The following PEBP4 variants were observed in gnomAD, a reference collection of about 807,000 sequenced individuals.
PEBP4 encodes the protein phosphatidylethanolamine binding protein 4.
Under a neutral mutation model 23.9 loss-of-function variants are expected in PEBP4, and 22 were observed. The observed-to-expected ratio is 0.92, with a 90% CI of 0.66 to 1.31. The LOEUF (loss-of-function observed/expected upper bound fraction) is 1.31, where lower values mean the gene tolerates loss of function less well. Among genes scored for constraint, PEBP4 ranks in the 40% most tolerant of loss-of-function variants. The pLI, the probability that PEBP4 is intolerant of heterozygous loss-of-function variation, is 0.00. For synonymous variants in PEBP4, 112 were observed against 99.3 expected (o/e 1.13, Z -0.76); for missense variants, 324 against 281.7 (o/e 1.15, Z -1.07).
At chr8:22,896,798 C>G (rs1452651965) in intron 3 of PEBP4, among the ~76,000 whole-genome samples, 1 of 151,934 alleles carries the variant, frequency 6.6e-6, no homozygotes, top group Admixed American at 6.6e-5. Flanking sequence ...CCTTAAAATC[C>G]ACAGTTAGTG....
intron 4 of PEBP4, among the ~76,000 whole-genome samples, chr8:22,786,750 C>A (rs1806036507): frequency 6.6e-6 from 1 of 152,106 alleles, no homozygotes; most frequent in Non-Finnish European, 1.5e-5. Flanking sequence ...TCATACAAAG[C>A]TCCATGCCAG....
At chr8:22,889,638 C>T (rs767598570) in intron 3 of PEBP4, among the ~76,000 whole-genome samples, 2 of 152,026 alleles carry the variant, frequency 1.3e-5, no homozygotes, top group Non-Finnish European at 2.9e-5. Context: ...AAGCAGACAA[C>T]CTCTATCAAT....
rs140305665 is a variant in PEBP4, at chr8:22,836,595, C to T, written c.259-18860G>A. ...CCACTCAAGATGGCTGGGGAAGGAACGCTCTCGCCTGGCTCACATGGCTCT... is the reference window on the plus strand; with the variant it reads ...CCACTCAAGATGGCTGGGGAAGGAATGCTCTCGCCTGGCTCACATGGCTCT... On this transcript the variant is annotated intron_variant, in intron 3 of 6. Coordinates refer to ENST00000256404, the MANE Select transcript of PEBP4 (RefSeq NM_144962.3). 4.3e-3 allele frequency among the ~76,000 whole-genome samples: 660 copies of T among 152,364 alleles called. 20 individuals carry two copies. In the East Asian group the frequency reaches 0.069, roughly 16 times the overall value.
At chr8:22,735,824 C>G (rs564160702) in intron 4 of PEBP4, among the ~76,000 whole-genome samples, 2 of 152,254 alleles carry the variant, frequency 1.3e-5, no homozygotes, top group South Asian at 2.1e-4. Context: ...ACTCTTGGAC[C>G]CCCAAACCCA....
rs370269006 is a variant in PEBP4, at chr8:22,819,602, TTTTTG to T, written c.259-1872_259-1868del. On this transcript the variant is annotated intron_variant, in intron 3 of 6. Transcript: ENST00000256404. ...AAGAAGAGTCAAGATTGTTTTTGTT[TTTTTG>T]TTTTGTTTTGTTTTGTTTTTTGAGA... 4.6e-5 allele frequency among the ~76,000 whole-genome samples: 7 copies of T among 152,042 alleles called. 1 individual carries two copies. The highest frequency in any genetic ancestry group is 2.0e-4 in the Admixed American group (3 of 15,272).
intron 3 of PEBP4, among the ~76,000 whole-genome samples, chr8:22,914,051 G>C (rs527592099): frequency 2.0e-5 from 3 of 149,588 alleles, no homozygotes; most frequent in African/African-American, 7.4e-5. Context: ...ATAGTGGCGC[G>C]ATCTAGGCTC....
intron 3 of PEBP4, chr8:22,878,225 AGAGGGAGGGAGGGAGG>A (rs1157364561): frequency 1.6e-5 from 2 of 125,996 alleles, no homozygotes; most frequent in East Asian, 2.8e-4. Flanking sequence ...AGGGAGGGGG[AGAGGGAGGGAGGGAGG>A]GAGGGAGGGG....
intron 6 of PEBP4, among the ~76,000 whole-genome samples, chr8:22,721,485 C>T (rs925523588): frequency 1.2e-4 from 19 of 152,128 alleles, no homozygotes; most frequent in Non-Finnish European, 1.8e-4. Context: ...ACAGGCTCTA[C>T]TAGAATCATC....
In PEBP4 at chr8:22,721,673, G is replaced by A. The variant is rs541291842; in HGVS notation, c.517+3170C>T. On this transcript the variant is annotated intron_variant, in intron 6 of 6. Coordinates refer to ENST00000256404, the MANE Select transcript of PEBP4 (RefSeq NM_144962.3). The stretch of plus-strand genomic sequence containing the variant: ...GCTTTTCCTGCCTGTTCACCCAGGG[G>A]ACACAAGCAGCTGGTTATACCACAC... Among the ~76,000 whole-genome samples the A allele has an allele frequency of 7.9e-5, 12 of 152,162 alleles. No homozygotes were observed. In the South Asian group the frequency reaches 2.5e-3, roughly 32 times the overall value.
At chr8:22,793,492 G>A (rs1368030469) in intron 4 of PEBP4, among the ~76,000 whole-genome samples, 1 of 150,232 alleles carries the variant, frequency 6.7e-6, no homozygotes, top group Non-Finnish European at 1.5e-5. Context: ...TGTTGGCCAG[G>A]CTGGTCTCGA....
intron 3 of PEBP4, among the ~76,000 whole-genome samples, chr8:22,890,534 C>T (rs1476768519): frequency 6.6e-6 from 1 of 152,224 alleles, no homozygotes. Context: ...TTCAAACTCC[C>T]AGCTTCCCCT....
At chr8:22,864,168 G>A (rs1335762118) in intron 3 of PEBP4, among the ~76,000 whole-genome samples, 1 of 152,202 alleles carries the variant, frequency 6.6e-6, no homozygotes, top group Admixed American at 6.5e-5. Context: ...CCTGCCTTTT[G>A]CATGATTAAT....
intron 4 of PEBP4, among the ~76,000 whole-genome samples, chr8:22,805,900 GA>G (rs1563222054): frequency 3.3e-5 from 5 of 152,146 alleles, no homozygotes; most frequent in Non-Finnish European, 5.9e-5. Context: ...ATGAATGAAT[GA>G]ATGAATGAGG....
chr8:22,759,037 GCTGTTTAC>G lies in PEBP4; in HGVS notation c.358-31825_358-31818del, dbSNP rs964401806. On this transcript the variant is annotated intron_variant, in intron 4 of 6. Transcript: ENST00000256404. ...GGTGGGAGGAGGGCCATGGGAAACAGCTGTTTACCTGTTTTGGGCAGCTGTGATGGGCT... is the reference window on the plus strand; with the variant it reads ...GGTGGGAGGAGGGCCATGGGAAACAGCTGTTTTGGGCAGCTGTGATGGGCT... 1.7e-4 allele frequency among the ~76,000 whole-genome samples: 26 copies of G among 152,166 alleles called. 1 individual carries two copies. The highest frequency in any genetic ancestry group is 9.8e-4 in the Admixed American group (15 of 15,276).
At chr8:22,741,654 GCTGT>G (rs1333048708) in intron 4 of PEBP4, among the ~76,000 whole-genome samples, 2 of 152,154 alleles carry the variant, frequency 1.3e-5, no homozygotes, top group Non-Finnish European at 2.9e-5. Context: ...TCAGTGGGTG[GCTGT>G]CTGTTAAGGG....
chr8:22,882,486 A>G (rs1265409902), intron 3 of PEBP4, among the ~76,000 whole-genome samples: 1 of 152,188 alleles, frequency 6.6e-6, no homozygotes, highest in Non-Finnish European at 1.5e-5. Flanking sequence ...TTTGTCATGC[A>G]CGCATGGTGA....
intron 3 of PEBP4, among the ~76,000 whole-genome samples, chr8:22,864,768 A>G (rs1018875702): frequency 1.3e-5 from 2 of 152,240 alleles, no homozygotes; most frequent in Non-Finnish European, 2.9e-5. Context: ...GAAAATAGGT[A>G]GCCAGAGGTG....
chr8:22,818,703 G>A (rs1806796936), intron 3 of PEBP4, among the ~76,000 whole-genome samples: 1 of 152,168 alleles, frequency 6.6e-6, no homozygotes, highest in African/African-American at 2.4e-5. Flanking sequence ...GATCTCCAAA[G>A]GCCAGAGAGG....
At chr8:22,821,984 C>CAAAA (rs113380878) in intron 3 of PEBP4, among the ~76,000 whole-genome samples, 3,508 of 130,892 alleles carry the variant, frequency 0.027, 61 homozygotes, top group South Asian at 0.044. Flanking sequence ...GACCTCGTCT[C>CAAAA]AAAAAAAAAA....
Sources: gnomAD v4.1 joint callset for allele counts (sites outside exome capture counted in the v4.1 genomes callset) on GRCh38, gnomAD v4.1.1 for gene constraint, MANE v1.5 for transcripts, NCBI Gene and HGNC (gene_info 2026-07-23, HGNC 2026-07-21) for gene names.